The following RARB variants were observed in gnomAD, a reference collection of about 807,000 sequenced individuals.
RARB encodes the protein retinoic acid receptor beta.
RARB carries 17 observed loss-of-function variants against 51.9 expected under a neutral mutation model. The observed-to-expected ratio is 0.33, with a 90% CI of 0.22 to 0.49. The LOEUF (loss-of-function observed/expected upper bound fraction) is 0.49, where lower values mean the gene tolerates loss of function less well. RARB is among the 20% of genes least tolerant of loss of function. The pLI is 0.99. For missense variants in RARB, 369 were observed against 550.8 expected (o/e 0.67, Z 3.30); for synonymous variants, 215 against 195.4 (o/e 1.10, Z -0.84).
chr3:25,501,066 G>T lies in RARB; in HGVS notation c.307-116G>T, dbSNP rs376009963. 82 of 1,237,950 alleles carry T rather than the reference G, an allele frequency of 6.6e-5. No individual in the cohort carries two copies. The African/African-American group carries it at 1.2e-3, about 18-fold the overall frequency. 76.7% of individuals were successfully genotyped at this position (1,237,950 alleles called of 1,614,324 possible). On this transcript the variant is annotated intron_variant, in intron 2 of 7. Transcript: ENST00000330688. ...AAGGTTTATGTAAGTTAACTTTTCTGCTGCCATCACTTCGTTACTCAAAAA... is the reference window on the plus strand; with the variant it reads ...AAGGTTTATGTAAGTTAACTTTTCTTCTGCCATCACTTCGTTACTCAAAAA...
chr3:25,310,179 A>G (rs1704255425), intron 5 of RARB, among the ~76,000 whole-genome samples: 2 of 152,194 alleles, frequency 1.3e-5, no homozygotes, highest in South Asian at 4.1e-4. Flanking sequence ...GACGAGCAGC[A>G]CTCATGATGG....
rs577851307 is a variant in RARB at position 24,924,084 on chromosome 3, C to T, written c.-380+65332C>T. 3.3e-5 allele frequency among the ~76,000 whole-genome samples: 5 copies of T among 152,248 alleles called. No individual in the cohort carries two copies. In the South Asian group the frequency reaches 1.0e-3, roughly 32 times the overall value. On this transcript the variant is annotated intron_variant, in intron 2 of 11. Transcript: ENST00000383772. ...AAAGTCTATACTCCAAAACCCATAG[C>T]CTTCTAGTCATAAACTATTTTTTTT...
intron 3 of RARB, among the ~76,000 whole-genome samples, chr3:25,551,793 G>A (rs1253482444): frequency 3.3e-5 from 5 of 152,100 alleles, no homozygotes; most frequent in Non-Finnish European, 2.9e-5. Context: ...GGTCTTGTGG[G>A]GATCCCAGGA....
At chr3:24,920,505 G>A (rs1408200850) in intron 2 of RARB, among the ~76,000 whole-genome samples, 1 of 152,098 alleles carries the variant, frequency 6.6e-6, no homozygotes, top group African/African-American at 2.4e-5. Context: ...GTAAGGTTTT[G>A]GAAGTTAGGT....
chr3:25,571,294 G>A (rs75390270), intron 4 of RARB, among the ~76,000 whole-genome samples: 8,322 of 152,338 alleles, frequency 0.055, 244 homozygotes, highest in Middle Eastern at 0.088. Flanking sequence ...ACTCGTTACA[G>A]TGCAGGTTCT....
intron 4 of RARB, among the ~76,000 whole-genome samples, chr3:25,144,169 AT>A (rs1700152433): frequency 1.3e-5 from 2 of 152,312 alleles, no homozygotes; most frequent in Admixed American, 1.3e-4. Flanking sequence ...AGGATTGTAC[AT>A]TCTTGCAGGG....
intron 5 of RARB, among the ~76,000 whole-genome samples, chr3:25,179,886 C>A (rs972320143): frequency 2.2e-4 from 33 of 152,124 alleles, no homozygotes; most frequent in Non-Finnish European, 1.8e-4. Flanking sequence ...AATCACATTG[C>A]CATTAAAAGT....
chr3:25,463,588 G>A (rs1209834143), intron 2 of RARB, among the ~76,000 whole-genome samples: 14 of 151,842 alleles, frequency 9.2e-5, no homozygotes, highest in East Asian at 1.9e-4. Context: ...GCTTGAACCC[G>A]GGAGGCAGAG....
chr3:25,067,046 T>G (rs1698677436), intron 3 of RARB, among the ~76,000 whole-genome samples: 1 of 152,148 alleles, frequency 6.6e-6, no homozygotes, highest in South Asian at 2.1e-4. Flanking sequence ...TGAAAGCACA[T>G]AGCTGAGAAA....
chr3:24,982,212 T>G lies in RARB; in HGVS notation c.-379-77913T>G, dbSNP rs149024118. Among the ~76,000 whole-genome samples, 573 of 152,330 alleles carry G rather than the reference T, an allele frequency of 3.8e-3. 3 individuals are homozygous for G. The highest frequency in any genetic ancestry group is 0.013 in the African/African-American group (552 of 41,584). On this transcript the variant is annotated intron_variant, in intron 2 of 11. Transcript: ENST00000383772. The stretch of plus-strand genomic sequence containing the variant: ...GCTGCTCTTTTTGGCTGACTTGGCT[T>G]CACCTCTATTTTCTCTGGTTCTGCA...
At chr3:25,588,625 G>T (rs1186119484) in intron 5 of RARB, among the ~76,000 whole-genome samples, 1 of 152,180 alleles carries the variant, frequency 6.6e-6, no homozygotes, top group African/African-American at 2.4e-5. Flanking sequence ...GGTGGTTCTG[G>T]CTCGGTATCT....
chr3:25,526,900 A>G (rs1464203111), intron 3 of RARB, among the ~76,000 whole-genome samples: 3 of 152,328 alleles, frequency 2.0e-5, no homozygotes, highest in African/African-American at 7.2e-5. Flanking sequence ...TTATTTGCCA[A>G]TGAATGTTCT....
chr3:24,958,275 T>G (rs955511564), intron 2 of RARB, among the ~76,000 whole-genome samples: 10 of 141,338 alleles, frequency 7.1e-5, no homozygotes, highest in South Asian at 2.5e-4. Flanking sequence ...TTTTTTTTTT[T>G]TTTTTTTTTT....
chr3:25,042,058 C>T (rs1698125880), intron 2 of RARB, among the ~76,000 whole-genome samples: 1 of 152,152 alleles, frequency 6.6e-6, no homozygotes, highest in Non-Finnish European at 1.5e-5. Context: ...ACTGTGGTAA[C>T]ATAGGCAGCA....
chr3:25,121,088 A>G (rs987547298), intron 3 of RARB, among the ~76,000 whole-genome samples: 1 of 152,182 alleles, frequency 6.6e-6, no homozygotes, highest in African/African-American at 2.4e-5. Flanking sequence ...GCATGTGTAT[A>G]AAGTGGTGGG....
At chr3:25,075,674 G>GA (rs35084793) in intron 3 of RARB, among the ~76,000 whole-genome samples, 2,039 of 145,354 alleles carry the variant, frequency 0.014, 39 homozygotes, top group East Asian at 0.061. Context: ...TTGTCCTCAG[G>GA]AAAAAAAAAA....
intron 5 of RARB, among the ~76,000 whole-genome samples, chr3:25,231,156 C>T (rs970896796): frequency 6.6e-6 from 1 of 152,078 alleles, no homozygotes; most frequent in African/African-American, 2.4e-5. Context: ...TTACACATTG[C>T]TATTAACATT....
intron 3 of RARB, among the ~76,000 whole-genome samples, chr3:25,535,888 A>G (rs1165526702): frequency 2.0e-5 from 3 of 152,192 alleles, no homozygotes; most frequent in Non-Finnish European, 2.9e-5. Context: ...CAGGGTCTTA[A>G]ATGCATTTCA....
chr3:24,996,425 T>A (rs1428970135), intron 2 of RARB, among the ~76,000 whole-genome samples: 2 of 152,068 alleles, frequency 1.3e-5, no homozygotes, highest in Non-Finnish European at 2.9e-5. Flanking sequence ...GTTTTATTGA[T>A]CCTTTGGATT....
Sources: gnomAD v4.1 joint callset for allele counts (sites outside exome capture counted in the v4.1 genomes callset) on GRCh38, gnomAD v4.1.1 for gene constraint, MANE v1.5 for transcripts, NCBI Gene and HGNC (gene_info 2026-07-23, HGNC 2026-07-21) for gene names.